KLHDC7B: variants seen among roughly 807,000 people sequenced by gnomAD.
The protein encoded by KLHDC7B is kelch domain containing 7B.
KLHDC7B carries 1 observed loss-of-function variant against 0.6 expected under a neutral mutation model. That is an observed-to-expected ratio of 1.71 (90% confidence interval 0.61 to 8.11). The LOEUF is 8.11. Among genes scored for constraint, KLHDC7B ranks in the 30% most tolerant of loss-of-function variants. The pLI is 0.13. For synonymous variants in KLHDC7B, 462 were observed against 405.2 expected (o/e 1.14, Z -1.68); for missense variants, 993 against 894.9 (o/e 1.11, Z -1.40).
In KLHDC7B at chr22:50,549,677, T is replaced by C. The variant is rs1603442639; in HGVS notation, c.3434T>C (p.Val1145Ala). 6.4e-7 allele frequency: 1 copy of C among 1,554,224 alleles called. No homozygotes were observed. The change falls in exon 1 of 1, where the codon GTG becomes GCG. Residue 1145 changes from valine to alanine, a missense_variant. By Grantham distance (64) the Val-to-Ala change is moderately conservative. Transcript: ENST00000648057. ...FLYRFDLLRG[V>A]GAAVMRYNTV... ...TACCGCTTCGACCTGCTGCGGGGCG[T>C]GGGCGCCGCCGTGATGCGCTACAAC...
rs770734360 is a variant in KLHDC7B at position 50,549,766 on chromosome 22, T to C, written c.3523T>C (p.Cys1175Arg). ...LPLPAPAPLHCTTLGNTIYCL... is the reference protein window; with the variant it reads ...LPLPAPAPLHRTTLGNTIYCL... ...CCTGCCCGCCCCCGCCCCACTGCAC[T>C]GCACCACCCTGGGCAACACCATTTA... The change falls in exon 1 of 1, where the codon TGC (cysteine) becomes CGC (arginine). Residue 1175 changes from cysteine (C) to arginine (R), a missense_variant. Cys to Arg is a radical substitution (Grantham distance 180). Transcript: ENST00000648057. 1 of 1,358,960 alleles carries C rather than the reference T, an allele frequency of 7.4e-7. No individual in the cohort carries two copies. The highest frequency in any genetic ancestry group is 1.0e-6 in the Non-Finnish European group (1 of 994,626). The allele number at this position is 1,358,960 out of a possible 1,614,324, so 84.2% of individuals were successfully genotyped here. A position where few individuals can be genotyped will look rare whatever the true frequency, so the allele number is the denominator to read the frequency against.
Position 50,549,396 on chromosome 22 carries a change from C to T in KLHDC7B, c.3153C>T (p.Ile1051=), listed in dbSNP as rs117231091. The change falls in exon 1 of 1, where the codon ATC becomes ATT. Residue 1051 remains isoleucine (I), a synonymous_variant. Coordinates refer to ENST00000648057, the MANE Select transcript of KLHDC7B (RefSeq NM_138433.5). ...LVALDGLLYA[I]GGECLYSMEC... ...CCCTGGACGGGCTGCTCTATGCCAT[C>T]GGTGGCGAATGCCTGTACAGCATGG... 2.1e-3 allele frequency: 3,401 copies of T among 1,612,786 alleles called. 59 individuals carry two copies. In the South Asian group the frequency reaches 0.022, roughly 10 times the overall value.
rs751731717 is a variant in KLHDC7B, at chr22:50,549,631, G to A, written c.3388G>A (p.Val1130Met). The change falls in exon 1 of 1, where the codon GTG becomes ATG. Residue 1130 changes from valine to methionine, a missense_variant. By Grantham distance (21) the Val-to-Met change is conservative. Coordinates refer to ENST00000648057, the MANE Select transcript of KLHDC7B (RefSeq NM_138433.5). ...CAGCCACCGGCGTTCCAGCGACATC[G>A]TGGCACTGGGGGGCTTCCTGTACCG... ...SASHRRSSDI[V>M]ALGGFLYRFD... is the part of the protein sequence containing the mutation. 7 of 1,557,934 alleles carry A rather than the reference G, an allele frequency of 4.5e-6. No homozygotes were observed. Among genetic ancestry groups the A allele is most frequent in the East Asian group, 2.3e-5 (1 of 44,292 alleles).
rs1300721223 is a variant in KLHDC7B at position 50,548,961 on chromosome 22, G to C, written c.2718G>C (p.Ala906=). Residue 906 remains alanine (A), a synonymous_variant, in exon 1 of 1, where the codon GCG becomes GCC. Transcript: ENST00000648057. The surrounding 1 kb of genome is among the most constrained non-coding windows in gnomAD (Gnocchi z 5.3). ...GDPCLYRRLS[A]ADRERILSLR... ...CGTGCCTCTACCGCCGGCTGAGCGC[G>C]GCCGACCGCGAGCGCATCCTCAGCC... is the stretch of plus-strand genomic sequence containing the variant. 1 of 1,597,414 alleles carries C rather than the reference G, an allele frequency of 6.3e-7. No homozygotes were observed. The highest frequency in any genetic ancestry group is 8.5e-7 in the Non-Finnish European group (1 of 1,174,028).
At position 50,548,205 on chromosome 22, in the gene KLHDC7B, G is replaced by GC; in HGVS notation, c.43dup (p.Gln15ProfsTer22). On this transcript the variant is annotated frameshift_variant, in exon 1 of 1. Coordinates refer to the KLHDC7B transcript ENST00000395676. LOFTEE classifies it low-confidence loss of function (END_TRUNC). This position sits in a 1 kb window ranked among gnomAD's most constrained non-coding sequence, Gnocchi z 5.3. ...GCCACCCCTTCCCCAGGCAAGACAG[G>GC]CCCCAAGGGAGTGTCCCGAGGGCGG... 18 of 1,541,498 alleles carry GC rather than the reference G, an allele frequency of 1.2e-5. 1 individual carries two copies. The Middle Eastern group carries it at 3.0e-3, about 260-fold the overall frequency.
chr22:50,549,068 G>C lies in KLHDC7B; in HGVS notation c.2825G>C (p.Arg942Thr). 3.1e-6 allele frequency: 5 copies of C among 1,598,288 alleles called. No homozygotes were observed. Among genetic ancestry groups the C allele is most frequent in the Non-Finnish European group, 4.2e-6 (5 of 1,177,892 alleles). ...LYQGGRSGLP[R>T]GPRGEEPPAA... ...CAGGGGGGCCGCTCAGGGCTCCCCA[G>C]GGGCCCTCGTGGCGAGGAGCCTCCT... Residue 942 changes from arginine (R) to threonine (T), a missense_variant, in exon 1 of 1, where the codon AGG (arginine) becomes ACG (threonine). By Grantham distance (71) the Arg-to-Thr change is moderately conservative (BLOSUM62 -1). Transcript: ENST00000648057.
At position 50,550,041 on chromosome 22, in the gene KLHDC7B, T is replaced by G; in HGVS notation, c.*90T>G. ...AGAGGCCGGGGCTCAGGGAAGGGGC[T>G]GGGATCGGAACTTCCTGCTCTTGTT... is the stretch of plus-strand genomic sequence containing the variant. On this transcript the variant is annotated 3_prime_UTR_variant, in exon 1 of 1. Coordinates refer to ENST00000648057, the MANE Select transcript of KLHDC7B (RefSeq NM_138433.5). The G allele has an allele frequency of 3.8e-6, 5 of 1,317,404 alleles. No homozygotes were observed. The highest frequency in any genetic ancestry group is 5.1e-6 in the Non-Finnish European group (5 of 984,244). The allele number at this position is 1,317,404 out of a possible 1,614,324, so 81.6% of individuals were successfully genotyped here.
chr22:50,548,461 G>T lies in KLHDC7B; in HGVS notation c.2218G>T (p.Ala740Ser), dbSNP rs528740944. The change falls in exon 1 of 1, where the codon GCG becomes TCG. Residue 740 changes from alanine (A) to serine (S), a missense_variant. Coordinates refer to ENST00000648057, the MANE Select transcript of KLHDC7B (RefSeq NM_138433.5). The surrounding 1 kb of genome is among the most constrained non-coding windows in gnomAD (Gnocchi z 5.3). ...AAGTCTAGACCCGCTGCCCCAAGCC[G>T]CGATGCCCAGGGGCCCCGCACAGCC... ...EKSLDPLPQA[A>S]MPRGPAQPPA... 4.4e-6 allele frequency: 7 copies of T among 1,579,430 alleles called. No individual in the cohort carries two copies. In the South Asian group the frequency reaches 6.9e-5, roughly 16 times the overall value.
chr22:50,548,190 C>T lies in KLHDC7B; in HGVS notation c.1947C>T (p.Phe649=). 1 of 1,527,772 alleles carries T rather than the reference C, an allele frequency of 6.5e-7. No homozygotes were observed. Among genetic ancestry groups the T allele is most frequent in the Non-Finnish European group, 8.8e-7 (1 of 1,132,408 alleles). The allele number at this position is 1,527,772 out of a possible 1,614,324, so 94.6% of individuals were successfully genotyped here. The change falls in exon 1 of 1, where the codon TTC becomes TTT. Residue 649 remains phenylalanine, a synonymous_variant. Coordinates refer to ENST00000648057, the MANE Select transcript of KLHDC7B (RefSeq NM_138433.5). The surrounding 1 kb of genome is among the most constrained non-coding windows in gnomAD (Gnocchi z 5.3). ...CCATGGTTCTTAGAAGCCACCCCTT[C>T]CCCAGGCAAGACAGGCCCCAAGGGA... ...LIAMVLRSHP[F]PRQDRPQGSV...
chr22:50,550,948 G>T lies in KLHDC7B; in HGVS notation c.*997G>T. ...TCCAACCTCCAGCCTGGATGTCCCT[G>T]TCTGGGCCCTTTTTCTGTTTTTTAT... On this transcript the variant is annotated 3_prime_UTR_variant, in exon 1 of 1. Transcript: ENST00000648057. 1 of 326,900 alleles carries T rather than the reference G, an allele frequency of 3.1e-6. No homozygotes were observed. The highest frequency in any genetic ancestry group is 4.6e-5 in the South Asian group (1 of 21,768). The allele number at this position is 326,900 out of a possible 1,614,324, so 20.2% of individuals were successfully genotyped here.
Position 50,549,030 on chromosome 22 carries a change from G to T in KLHDC7B, c.2787G>T (p.Leu929=). Residue 929 remains leucine (L), a synonymous_variant, in exon 1 of 1, where the codon CTG becomes CTT. Coordinates refer to ENST00000648057, the MANE Select transcript of KLHDC7B (RefSeq NM_138433.5). ...RGRAVLGVLV[L]PSLYQGGRSG... ...GGGCGGTGCTGGGCGTCCTCGTACT[G>T]CCCAGCCTCTACCAGGGGGGCCGCT... 1.3e-6 allele frequency: 2 copies of T among 1,596,736 alleles called. No individual in the cohort carries two copies. The highest frequency in any genetic ancestry group is 1.7e-6 in the Non-Finnish European group (2 of 1,176,964).
rs1603442638 is a variant in KLHDC7B, at chr22:50,549,600, C to T, written c.3357C>T (p.Tyr1119=). 6.4e-7 allele frequency: 1 copy of T among 1,562,384 alleles called. No individual in the cohort carries two copies. The highest frequency in any genetic ancestry group is 1.4e-5 in the African/African-American group (1 of 73,990). The change falls in exon 1 of 1, where the codon TAC becomes TAT. Residue 1119 remains tyrosine, a synonymous_variant. Transcript: ENST00000648057. Reference sequence around the variant, plus strand: ...AGGATGCTTGGGACGAGTGCCCATACAGTGCCAGCCACCGGCGTTCCAGCG... The same window carrying T: ...AGGATGCTTGGGACGAGTGCCCATATAGTGCCAGCCACCGGCGTTCCAGCG... The part of the protein sequence containing the change: ...PVKDAWDECP[Y]SASHRRSSDI...
rs1009973104 is a variant in KLHDC7B at position 50,546,732 on chromosome 22, G to T, written c.489G>T (p.Leu163=). The change falls in exon 1 of 1, where the codon CTG becomes CTT. Residue 163 remains leucine, a synonymous_variant. Coordinates refer to ENST00000648057, the MANE Select transcript of KLHDC7B (RefSeq NM_138433.5). ...CTCCCAGGCCAGGCACTGCCCTCCT[G>T]GGCAGGAGCGAAGCAGGGGGGATGT... ...KEPPRPGTAL[L]GRSEAGGMSA... is the part of the protein sequence containing the mutation. Among the ~76,000 whole-genome samples the T allele has an allele frequency of 6.6e-6, 1 of 152,156 alleles. No individual in the cohort carries two copies. Among genetic ancestry groups the T allele is most frequent in the African/African-American group, 2.4e-5 (1 of 41,448 alleles).
rs778714608 is a variant in KLHDC7B, at chr22:50,549,660, C to G, written c.3417C>G (p.Phe1139Leu). The G allele has an allele frequency of 4.5e-6, 7 of 1,556,932 alleles. No homozygotes were observed. Among genetic ancestry groups the G allele is most frequent in the Non-Finnish European group, 6.1e-6 (7 of 1,149,526 alleles). ...CACTGGGGGGCTTCCTGTACCGCTT[C>G]GACCTGCTGCGGGGCGTGGGCGCCG... Reference protein sequence around the residue: ...IVALGGFLYRFDLLRGVGAAV... With the variant: ...IVALGGFLYRLDLLRGVGAAV... The change falls in exon 1 of 1, where the codon TTC becomes TTG. Residue 1139 changes from phenylalanine to leucine, a missense_variant. By Grantham distance (22) the Phe-to-Leu change is conservative. Transcript: ENST00000648057.
In KLHDC7B at chr22:50,548,428, A is replaced by C. The variant is rs746034729; in HGVS notation, c.2185A>C (p.Arg729=). Residue 729 remains arginine, a synonymous_variant, in exon 1 of 1, where the codon AGG becomes CGG. Coordinates refer to ENST00000648057, the MANE Select transcript of KLHDC7B (RefSeq NM_138433.5). The surrounding 1 kb of genome is among the most constrained non-coding windows in gnomAD (Gnocchi z 5.3). ...CCCAGGCCTAAGAGGAGAGGGAACC[A>C]GGGAGAAAAGTCTAGACCCGCTGCC... ...PPPGLRGEGT[R]EKSLDPLPQA... is the part of the protein sequence containing the mutation. 5.7e-6 allele frequency: 9 copies of C among 1,575,820 alleles called. No individual in the cohort carries two copies. Among genetic ancestry groups the C allele is most frequent in the Non-Finnish European group, 7.8e-6 (9 of 1,161,060 alleles).
rs569249337 is a variant in KLHDC7B, at chr22:50,548,651, G to A, written c.2408G>A (p.Gly803Glu). The A allele has an allele frequency of 1.3e-5, 20 of 1,527,788 alleles. No individual in the cohort carries two copies. In the East Asian group the frequency reaches 4.0e-4, roughly 30 times the overall value. 94.6% of individuals were successfully genotyped at this position (1,527,788 alleles called of 1,614,324 possible). The change falls in exon 1 of 1, where the codon GGG becomes GAG. Residue 803 changes from glycine (G) to glutamate (E), a missense_variant. Transcript: ENST00000648057. The surrounding 1 kb of genome is among the most constrained non-coding windows in gnomAD (Gnocchi z 5.3). ...GDPQGEAPGE[G>E]GSPAGRSGAL... ...CCTCAAGGGGAGGCGCCGGGGGAGG[G>A]GGGCAGCCCTGCCGGCCGCAGCGGG... is the stretch of plus-strand genomic sequence containing the variant.
In KLHDC7B at chr22:50,550,120, G is replaced by A; in HGVS notation, c.*169G>A. The A allele has an allele frequency of 1.5e-6, 1 of 687,468 alleles. No individual in the cohort carries two copies. The highest frequency in any genetic ancestry group is 1.8e-5 in the African/African-American group (1 of 54,804). 42.6% of individuals were successfully genotyped at this position (687,468 alleles called of 1,614,324 possible). ...AGGTTGTCGATTATTTTGAAGCCCAGACTCCCTCAGCCTCTTTCTGCCCCT... is the reference window on the plus strand; with the variant it reads ...AGGTTGTCGATTATTTTGAAGCCCAAACTCCCTCAGCCTCTTTCTGCCCCT... On this transcript the variant is annotated 3_prime_UTR_variant, in exon 1 of 1. Transcript: ENST00000648057.
chr22:50,549,748 G>GCCC lies in KLHDC7B; in HGVS notation c.3508_3510dup (p.Pro1170dup). 2 of 1,447,208 alleles carry GCCC rather than the reference G, an allele frequency of 1.4e-6. No individual in the cohort carries two copies. The highest frequency in any genetic ancestry group is 2.5e-5 in the South Asian group (2 of 81,020). The allele number at this position is 1,447,208 out of a possible 1,614,324, so 89.6% of individuals were successfully genotyped here. ...CAGGGCTGCCTCCCTGCCCCTGCCC[G>GCCC]CCCCCGCCCCACTGCACTGCACCAC... is the stretch of plus-strand genomic sequence containing the variant. On this transcript the variant is annotated inframe_insertion, in exon 1 of 1. Transcript: ENST00000648057.
At chr22:50,547,891 GT>G, upstream of KLHDC7B, 1 of 155,634 alleles carries the variant, frequency 6.4e-6, no homozygotes. Context: ...CCTAACCCCA[GT>G]CCCAACCCCA....
Sources: allele counts gnomAD v4.1 joint callset (sites outside exome capture counted in the v4.1 genomes callset), GRCh38; gene constraint gnomAD v4.1.1; non-coding constraint Gnocchi (gnomAD v3.1); transcripts MANE v1.5; gene names NCBI Gene and HGNC (gene_info 2026-07-23, HGNC 2026-07-21).